The following DDR2 variants were observed in gnomAD, a reference collection of about 807,000 sequenced individuals.
DDR2 encodes the protein discoidin domain-containing receptor 2.
Under a neutral mutation model 94.9 loss-of-function variants are expected in DDR2, and 27 were observed. The ratio of observed to expected loss-of-function variants is 0.28; its 90% CI spans 0.21 to 0.39. The LOEUF (loss-of-function observed/expected upper bound fraction) is 0.39, where lower values mean the gene tolerates loss of function less well. Among genes scored for constraint, DDR2 ranks in the 10% least tolerant of loss-of-function variants. The probability of loss-of-function intolerance (pLI) is 1.00; values close to 1 mark genes in which losing one functional copy is unlikely to be tolerated. For synonymous variants in DDR2, 382 were observed against 377.2 expected (o/e 1.01, Z -0.15); for missense variants, 783 against 1,076.0 (o/e 0.73, Z 3.81).
In DDR2 at chr1:162,786,422, T is replaced by A. The variant is rs1396648509; in HGVS notation, c.*6176T>A. The A allele has an allele frequency of 2.6e-5, 4 of 152,228 alleles. No homozygotes were observed. The highest frequency in any genetic ancestry group is 5.9e-5 in the Non-Finnish European group (4 of 68,030). 9.4% of individuals were successfully genotyped at this position (152,228 alleles called of 1,614,324 possible). ...TGGATTTAATTTCTGCTTAAAACTA[T>A]CATAGACGTTCCAAATAGAATATGT... On this transcript the variant is annotated 3_prime_UTR_variant, in exon 18 of 18. Coordinates refer to ENST00000367921, the MANE Select transcript of DDR2 (RefSeq NM_006182.4).
chr1:162,647,427 G>T (rs958943212), intron 1 of DDR2, among the ~76,000 whole-genome samples: 1 of 152,126 alleles, frequency 6.6e-6, no homozygotes, highest in East Asian at 1.9e-4. Flanking sequence ...CCAAGAGAGG[G>T]TTCTTAGACC....
Position 162,689,841 on chromosome 1 carries a change from TTAAA to T in DDR2, c.-27-29195_-27-29192del, listed in dbSNP as rs1237240986. Reference sequence around the variant, plus strand: ...CAACATGGTGAAACCCCATCTCTACTTAAAAAAAAAAAAAAAAAAAAAAAAATAG... The same window carrying T: ...CAACATGGTGAAACCCCATCTCTACTAAAAAAAAAAAAAAAAAAAAAATAG... On this transcript the variant is annotated intron_variant, in intron 2 of 17. Transcript: ENST00000367921. 2.8e-3 allele frequency among the ~76,000 whole-genome samples: 41 copies of T among 14,698 alleles called. 7 individuals are homozygous for T. Among genetic ancestry groups the T allele is most frequent in the East Asian group, 6.3e-3 (3 of 478 alleles). The allele number at this position is 14,698 out of a possible 152,430, so 9.6% of individuals were successfully genotyped here.
chr1:162,654,618 G>A (rs1013496385), intron 1 of DDR2, among the ~76,000 whole-genome samples: 4 of 152,190 alleles, frequency 2.6e-5, no homozygotes, highest in African/African-American at 9.7e-5. Context: ...TTTTCATCGT[G>A]TGGAGCAGTG....
intron 15 of DDR2, 61 bp from the exon 16 acceptor site, chr1:162,776,075 G>C: frequency 1.4e-6 from 2 of 1,465,040 alleles, no homozygotes; most frequent in East Asian, 4.5e-5. Context: ...TTTAGAATGT[G>C]TACCTTTCAC....
At chr1:162,676,366 A>T (rs887795884) in intron 2 of DDR2, among the ~76,000 whole-genome samples, 17 of 152,100 alleles carry the variant, frequency 1.1e-4, no homozygotes, top group African/African-American at 4.1e-4. Flanking sequence ...ACTTTCCTCT[A>T]CAACAATTGT....
chr1:162,776,341 C>T lies in DDR2; in HGVS notation c.2254C>T (p.Arg752Cys), dbSNP rs121964863. The T allele has an allele frequency of 3.7e-6, 6 of 1,614,070 alleles. No individual in the cohort carries two copies. Among genetic ancestry groups the T allele is most frequent in the Non-Finnish European group, 5.1e-6 (6 of 1,179,958 alleles). ...RIQGRAVLPI[R>C]WMSWESILLG... ...CCAGGGCCGGGCAGTGCTCCCTATC[C>T]GCTGGATGTCTTGGGAGAGTATCTT... The change falls in exon 16 of 18, where the codon CGC becomes TGC. Residue 752 changes from arginine (R) to cysteine (C), a missense_variant. Arg to Cys is a radical substitution (Grantham distance 180). Around this residue, in one of 2 missense-constraint regions of DDR2, gnomAD observed 264 missense variants for 428.2 expected, o/e 0.62. Transcript: ENST00000367921.
chr1:162,749,258 G>A (rs1038461888), intron 3 of DDR2, among the ~76,000 whole-genome samples: 1 of 152,082 alleles, frequency 6.6e-6, no homozygotes, highest in Non-Finnish European at 1.5e-5. Flanking sequence ...TAGACCGCTA[G>A]CAAGACTAAC....
chr1:162,672,086 C>T (rs773691188), intron 2 of DDR2, among the ~76,000 whole-genome samples: 6 of 152,208 alleles, frequency 3.9e-5, no homozygotes, highest in East Asian at 3.8e-4. Flanking sequence ...CATCTTCTTG[C>T]GTCACTCTGT....
chr1:162,771,296 G>A lies in DDR2; in HGVS notation c.1505-728G>A, dbSNP rs551196581. On this transcript the variant is annotated intron_variant, in intron 12 of 17. Coordinates refer to ENST00000367921, the MANE Select transcript of DDR2 (RefSeq NM_006182.4). The stretch of plus-strand genomic sequence containing the variant: ...AGTAGAAAAGAACTTGTAGTGTTCA[G>A]GAGAGAGGAGCTAGGCCTGAGCTGG... Among the ~76,000 whole-genome samples, 13 of 152,306 alleles carry A rather than the reference G, an allele frequency of 8.5e-5. No homozygotes were observed. In the East Asian group the frequency reaches 2.1e-3, roughly 25 times the overall value.
chr1:162,687,247 C>T (rs1158153637), intron 2 of DDR2, among the ~76,000 whole-genome samples: 1 of 152,192 alleles, frequency 6.6e-6, no homozygotes, highest in Non-Finnish European at 1.5e-5. Flanking sequence ...ATTACCTGCA[C>T]CTGGAATACT....
intron 3 of DDR2, among the ~76,000 whole-genome samples, chr1:162,742,730 A>G (rs1662672819): frequency 6.6e-6 from 1 of 152,204 alleles, no homozygotes; most frequent in South Asian, 2.1e-4. Context: ...GCTGATAAAG[A>G]CATACCCAAG....
chr1:162,749,601 T>C (rs1483633796), intron 3 of DDR2, among the ~76,000 whole-genome samples: 3 of 152,222 alleles, frequency 2.0e-5, no homozygotes, highest in African/African-American at 7.2e-5. Flanking sequence ...GTACCATTCC[T>C]TCTGAAACTA....
chr1:162,746,703 C>T (rs774139092), intron 3 of DDR2, among the ~76,000 whole-genome samples: 3 of 152,240 alleles, frequency 2.0e-5, no homozygotes, highest in African/African-American at 4.8e-5. Context: ...AGTAGCCTAA[C>T]TGGGAGACAC....
At chr1:162,714,742 C>A (rs1237227129) in intron 2 of DDR2, among the ~76,000 whole-genome samples, 2 of 152,136 alleles carry the variant, frequency 1.3e-5, no homozygotes, top group Non-Finnish European at 2.9e-5. Flanking sequence ...TTCTTATGTA[C>A]TATAAGTTCC....
At chr1:162,685,876 A>G (rs1484009935) in intron 2 of DDR2, among the ~76,000 whole-genome samples, 4 of 152,204 alleles carry the variant, frequency 2.6e-5, no homozygotes, top group African/African-American at 4.8e-5. Flanking sequence ...CCCAAAGACC[A>G]TATGGCTATT....
At chr1:162,720,274 A>T (rs1007576598) in intron 3 of DDR2, among the ~76,000 whole-genome samples, 2 of 152,184 alleles carry the variant, frequency 1.3e-5, no homozygotes, top group African/African-American at 4.8e-5. Flanking sequence ...GAACTATACC[A>T]GCACTTTAGA....
chr1:162,694,304 T>G (rs1345241949), intron 2 of DDR2, among the ~76,000 whole-genome samples: 2 of 152,200 alleles, frequency 1.3e-5, no homozygotes, highest in Non-Finnish European at 2.9e-5. Flanking sequence ...TGGTCTCATA[T>G]CTTTCTGCTT....
At chr1:162,711,823 TACACACACATGC>T (rs1453585478) in intron 2 of DDR2, among the ~76,000 whole-genome samples, 1 of 152,154 alleles carries the variant, frequency 6.6e-6, no homozygotes, top group Non-Finnish European at 1.5e-5. Flanking sequence ...CATATGTTTA[TACACACACATGC>T]ACACATGTAC....
upstream of DDR2, among the ~76,000 whole-genome samples, chr1:162,630,951 T>G (rs1571116983): frequency 6.6e-6 from 1 of 152,222 alleles, no homozygotes; most frequent in Non-Finnish European, 1.5e-5. Flanking sequence ...TTTCTCTTCA[T>G]AAACTAACCC....
Sources: gnomAD v4.1 joint callset for allele counts (sites outside exome capture counted in the v4.1 genomes callset) on GRCh38, gnomAD v4.1.1 for gene constraint, gnomAD v4.1.1 regional missense constraint, MANE v1.5 for transcripts, NCBI Gene and HGNC (gene_info 2026-07-23, HGNC 2026-07-21) for gene names.